ZRANB3: variants seen among roughly 807,000 people sequenced by gnomAD.
ZRANB3 encodes the protein zinc finger RANBP2-type containing 3.
Under a neutral mutation model 133.8 loss-of-function variants are expected in ZRANB3, and 125 were observed. The observed-to-expected ratio is 0.93, with a 90% CI of 0.81 to 1.08. ZRANB3 has a LOEUF of 1.08. Among genes scored for constraint, ZRANB3 ranks in the 50% least tolerant of loss-of-function variants. The pLI, the probability that ZRANB3 is intolerant of heterozygous loss-of-function variation, is 0.00. For missense variants in ZRANB3, 1,229 were observed against 1,275.5 expected, an observed-to-expected ratio of 0.96 and a Z score of 0.56; for synonymous variants, 387 against 432.7, an observed-to-expected ratio of 0.89 and a Z score of 1.31.
intron 12 of ZRANB3, among the ~76,000 whole-genome samples, chr2:135,235,521 T>C (rs941171272): frequency 1.2e-4 from 18 of 152,050 alleles, no homozygotes; most frequent in Admixed American, 9.8e-4. Context: ...TGATGAACAT[T>C]GATGCAAAAA....
At chr2:135,409,470 G>A (rs2104952109) in intron 2 of ZRANB3, among the ~76,000 whole-genome samples, 1 of 151,988 alleles carries the variant, frequency 6.6e-6, no homozygotes, top group African/African-American at 2.4e-5. Context: ...CAACAAATTA[G>A]GCATCAGGGA....
chr2:135,288,848 A>T, intron 8 of ZRANB3, among the ~76,000 whole-genome samples: 1 of 147,386 alleles, frequency 6.8e-6, no homozygotes, highest in African/African-American at 2.6e-5. Flanking sequence ...TATATTTTTA[A>T]AGAACTTGTT....
intron 1 of ZRANB3, among the ~76,000 whole-genome samples, chr2:135,529,077 A>G (rs116801788): frequency 0.01 from 1,569 of 152,314 alleles, 25 homozygotes; most frequent in African/African-American, 0.036. Context: ...GCACTGCTCT[A>G]CCCAAAGTCT....
Position 135,345,649 on chromosome 2 carries a change from A to C in ZRANB3, c.592-14T>G, listed in dbSNP as rs779657075. ...CTGCATAAAAAGCTATAATAATACA[A>C]GTGTTTGTAGTATGTTGTAATATTT... On this transcript the variant is annotated splice_polypyrimidine_tract_variant and intron_variant, in intron 5 of 20. Transcript: ENST00000264159. 4 of 1,527,724 alleles carry C rather than the reference A, an allele frequency of 2.6e-6. No individual in the cohort carries two copies. The highest frequency in any genetic ancestry group is 3.6e-6 in the Non-Finnish European group (4 of 1,110,694). The allele number at this position is 1,527,724 out of a possible 1,614,324, so 94.6% of individuals were successfully genotyped here.
intron 2 of ZRANB3, among the ~76,000 whole-genome samples, chr2:135,466,194 C>T (rs547713048): frequency 6.6e-6 from 1 of 151,728 alleles, no homozygotes; most frequent in Non-Finnish European, 1.5e-5. Context: ...ACCAGCCTGG[C>T]CAACATGGTG....
chr2:135,343,593 A>T (rs561995687), intron 6 of ZRANB3, among the ~76,000 whole-genome samples: 5 of 146,864 alleles, frequency 3.4e-5, no homozygotes, highest in East Asian at 4.0e-4. Flanking sequence ...AAGGAATTAT[A>T]AAAAAAAAAT....
At position 135,455,171 on chromosome 2, in the gene ZRANB3, CTTTTTTTTTTTTTT is replaced by C. The variant is rs1166170814; in HGVS notation, c.161+49144_161+49157del. Among the ~76,000 whole-genome samples, 345 of 37,600 alleles carry C rather than the reference CTTTTTTTTTTTTTT, an allele frequency of 9.2e-3. 3 individuals carry two copies. Among genetic ancestry groups the C allele is most frequent in the African/African-American group, 0.029 (311 of 10,590 alleles). 24.7% of individuals were successfully genotyped at this position (37,600 alleles called of 152,430 possible). A position where few individuals can be genotyped will look rare whatever the true frequency, so the allele number is the denominator to read the frequency against. ...AATGGGATCACAATGCCTTCTTATA[CTTTTTTTTTTTTTT>C]TTTTTTTTTTTTTTTTTTTTGAGAC... On this transcript the variant is annotated intron_variant, in intron 2 of 20. Coordinates refer to ENST00000264159, the MANE Select transcript of ZRANB3 (RefSeq NM_032143.4).
chr2:135,233,549 T>G (rs1267371693), intron 12 of ZRANB3, among the ~76,000 whole-genome samples: 1 of 152,018 alleles, frequency 6.6e-6, no homozygotes, highest in Non-Finnish European at 1.5e-5. Flanking sequence ...GAGAGAAAGC[T>G]CGGGTTACCC....
chr2:135,329,298 A>T (rs1684013168), intron 6 of ZRANB3, among the ~76,000 whole-genome samples: 3 of 152,216 alleles, frequency 2.0e-5, no homozygotes, highest in Non-Finnish European at 2.9e-5. Context: ...TTTTTCGAGC[A>T]TCATTTATTA....
At chr2:135,332,840 A>G (rs1684210718) in intron 6 of ZRANB3, among the ~76,000 whole-genome samples, 1 of 152,168 alleles carries the variant, frequency 6.6e-6, no homozygotes, top group South Asian at 2.1e-4. Flanking sequence ...CTGTCTTCAC[A>G]TCTTTCCTCA....
chr2:135,217,753 A>G, intron 16 of ZRANB3, 146 bp from the exon 17 acceptor site: 1 of 943,870 alleles, frequency 1.1e-6, no homozygotes, highest in South Asian at 1.9e-5. Context: ...GGCTTTCTTC[A>G]ATTTGATGCA....
chr2:135,509,797 A>G (rs899998726), intron 1 of ZRANB3, among the ~76,000 whole-genome samples: 4 of 152,216 alleles, frequency 2.6e-5, no homozygotes, highest in South Asian at 2.1e-4. Context: ...TTGTGATCCT[A>G]TATCAAAAGA....
At chr2:135,326,626 G>C (rs996478764) in intron 6 of ZRANB3, among the ~76,000 whole-genome samples, 1 of 151,988 alleles carries the variant, frequency 6.6e-6, no homozygotes, top group African/African-American at 2.4e-5. Context: ...TCCCGGCCAG[G>C]CATGGTGGAT....
intron 10 of ZRANB3, among the ~76,000 whole-genome samples, chr2:135,269,522 A>G (rs1247392528): frequency 6.6e-6 from 1 of 152,224 alleles, no homozygotes; most frequent in Non-Finnish European, 1.5e-5. Context: ...GAGAGCATTT[A>G]CATCCTCTTC....
chr2:135,386,543 A>C (rs147988715), intron 3 of ZRANB3, among the ~76,000 whole-genome samples: 1,542 of 152,266 alleles, frequency 0.01, 25 homozygotes, highest in African/African-American at 0.035. Flanking sequence ...ACATGCACAC[A>C]TATGTTTACT....
At chr2:135,437,372 G>A (rs1316743033) in intron 2 of ZRANB3, among the ~76,000 whole-genome samples, 1 of 152,192 alleles carries the variant, frequency 6.6e-6, no homozygotes, top group Non-Finnish European at 1.5e-5. Flanking sequence ...ACAAATGAGT[G>A]TACAACGTGT....
rs558816807 is a variant in ZRANB3 at position 135,311,447 on chromosome 2, T to C, written c.966+2042A>G. 1.3e-5 allele frequency among the ~76,000 whole-genome samples: 2 copies of C among 152,304 alleles called. 1 individual carries two copies. The highest frequency in any genetic ancestry group is 4.2e-4 in the South Asian group (2 of 4,818). On this transcript the variant is annotated intron_variant, in intron 8 of 20. Coordinates refer to ENST00000264159, the MANE Select transcript of ZRANB3 (RefSeq NM_032143.4). ...CTATACTTTTATGACTCACCAGTTC[T>C]ATTTCCAAGTATTTGCTCAAGGAAA...
intron 2 of ZRANB3, among the ~76,000 whole-genome samples, chr2:135,459,234 T>C (rs755061782): frequency 6.6e-6 from 1 of 152,202 alleles, no homozygotes; most frequent in Non-Finnish European, 1.5e-5. Context: ...GTCAATTCTT[T>C]CTGCCTCATT....
chr2:135,438,893 A>G (rs1461360280), intron 2 of ZRANB3, among the ~76,000 whole-genome samples: 1 of 152,226 alleles, frequency 6.6e-6, no homozygotes, highest in Non-Finnish European at 1.5e-5. Context: ...GATGAGACTG[A>G]TTTTGAAAAC....
Sources: allele counts gnomAD v4.1 joint callset (sites outside exome capture counted in the v4.1 genomes callset), GRCh38; gene constraint gnomAD v4.1.1; transcripts MANE v1.5; gene names NCBI Gene and HGNC (gene_info 2026-07-23, HGNC 2026-07-21).